Variants in C10orf53 observed in about 807,000 individuals in gnomAD.
C10orf53 encodes the protein chromosome 10 open reading frame 53.
In C10orf53, 8 loss-of-function variants were observed where a neutral mutation model predicts 9.4. That is an observed-to-expected ratio of 0.85 (90% CI 0.50 to 1.53). The LOEUF (loss-of-function observed/expected upper bound fraction) is 1.53, where lower values mean the gene tolerates loss of function less well. Ranked by LOEUF, C10orf53 falls within the 40% of genes most tolerant of loss-of-function variation. C10orf53 has a pLI of 0.00. For missense variants in C10orf53, 117 were observed against 117.8 expected (o/e 0.99, Z 0.03); for synonymous variants, 48 against 46.0 (o/e 1.04, Z -0.18).
At chr10:49,692,125 G>A (rs550860747) in intron 1 of C10orf53, among the ~76,000 whole-genome samples, 34 of 152,286 alleles carry the variant, frequency 2.2e-4, no homozygotes, top group South Asian at 2.1e-3. Context: ...CTTTCCAAAC[G>A]AGCTGGACTG....
intron 1 of C10orf53, among the ~76,000 whole-genome samples, chr10:49,692,470 G>A (rs1308185805): frequency 6.6e-6 from 1 of 152,222 alleles, no homozygotes; most frequent in Non-Finnish European, 1.5e-5. Flanking sequence ...TTTTGAAACA[G>A]CAATTGTCTC....
In C10orf53 at chr10:49,691,914, G is replaced by T. The variant is rs189471016; in HGVS notation, c.98-1860G>T. ...GCAGCACCTTGCCTCACAGGTGGAG[G>T]TTGGGGGGTGCGGGTGTAAGGTGGG... On this transcript the variant is annotated intron_variant, in intron 1 of 2. Transcript: ENST00000374111. Among the ~76,000 whole-genome samples, 276 of 152,368 alleles carry T rather than the reference G, an allele frequency of 1.8e-3. 3 individuals carry two copies. The highest frequency in any genetic ancestry group is 6.0e-3 in the African/African-American group (248 of 41,596).
In C10orf53 at chr10:49,693,792, G is replaced by A. The variant is rs1564506247; in HGVS notation, c.116G>A (p.Gly39Glu). 1 of 1,613,872 alleles carries A rather than the reference G, an allele frequency of 6.2e-7. No homozygotes were observed. Among genetic ancestry groups the A allele is most frequent in the East Asian group, 2.2e-5 (1 of 44,886 alleles). The change falls in exon 2 of 3, where the codon GGA becomes GAA. Residue 39 changes from glycine to glutamate, a missense_variant. By Grantham distance (98) the Gly-to-Glu change is moderately conservative. Coordinates refer to ENST00000374111, the MANE Select transcript of C10orf53 (RefSeq NM_001042427.3). ...QGLQAVLAID[G>E]HEVILEKIED... ...TTCCCAGCTGTGTTGGCCATAGATG[G>A]ACATGAGGTCATCCTAGAGAAGATA... is the stretch of plus-strand genomic sequence containing the variant.
intron 1 of C10orf53, among the ~76,000 whole-genome samples, chr10:49,680,985 C>T (rs1840474253): frequency 6.6e-6 from 1 of 152,234 alleles, no homozygotes; most frequent in South Asian, 2.1e-4. Flanking sequence ...TTGACTTTAG[C>T]ATGGGTTTAT....
chr10:49,682,627 G>A lies in C10orf53; in HGVS notation c.97+2833G>A, dbSNP rs188418787. Among the ~76,000 whole-genome samples the A allele has an allele frequency of 1.7e-3, 263 of 152,112 alleles. 2 individuals carry two copies. Among genetic ancestry groups the A allele is most frequent in the African/African-American group, 5.9e-3 (243 of 41,490 alleles). ...TGGCCAGCTTTTATTCCCTTAGTTG[G>A]TCCCGCCCATGTCCTGCTGATTGGT... On this transcript the variant is annotated intron_variant, in intron 1 of 2. Coordinates refer to ENST00000374111, the MANE Select transcript of C10orf53 (RefSeq NM_001042427.3).
At position 49,694,565 on chromosome 10, in the gene C10orf53, G is replaced by T. The variant is rs764652108; in HGVS notation, c.245G>T (p.Cys82Phe). Residue 82 changes from cysteine to phenylalanine, a missense_variant, in exon 3 of 3, where the codon TGT becomes TTT. By Grantham distance (205) the Cys-to-Phe change is radical. Transcript: ENST00000374111. ...GGCGATGGTAAACTAGACCCACTGT[G>T]TGAAAAGGCCAGGATAGCCGTGCTG... ...FGGDGKLDPL[C>F]EKARIAVLNA... 3 of 1,614,254 alleles carry T rather than the reference G, an allele frequency of 1.9e-6. No individual in the cohort carries two copies.
intron 2 of C10orf53, among the ~76,000 whole-genome samples, chr10:49,705,282 C>G (rs1590649908): frequency 6.6e-6 from 1 of 152,116 alleles, no homozygotes; most frequent in East Asian, 1.9e-4. Context: ...GACAGGGAGG[C>G]CTGGGGTGGC....
Position 49,694,747 on chromosome 10 carries a change from AC to A in C10orf53, c.*146del, listed in dbSNP as rs1351660490. The A allele has an allele frequency of 6.9e-6, 10 of 1,453,174 alleles. No individual in the cohort carries two copies. The highest frequency in any genetic ancestry group is 9.1e-6 in the Non-Finnish European group (10 of 1,104,354). 90.0% of individuals were successfully genotyped at this position (1,453,174 alleles called of 1,614,324 possible). A position where few individuals can be genotyped will look rare whatever the true frequency, so the allele number is the denominator to read the frequency against. On this transcript the variant is annotated 3_prime_UTR_variant, in exon 3 of 3. Transcript: ENST00000374111. ...GCAACTCGGGCCTGACCTCCAGCTT[AC>A]GCAGCCTCAGGATTGTCACCTGGCT...
chr10:49,705,954 G>T (rs1456824046), intron 2 of C10orf53, among the ~76,000 whole-genome samples: 1 of 152,076 alleles, frequency 6.6e-6, no homozygotes, highest in Non-Finnish European at 1.5e-5. Context: ...GCTAAGAATG[G>T]GAAAACCATT....
chr10:49,679,840 G>A, intron 1 of C10orf53, 46 bp downstream of exon 1: 2 of 1,495,368 alleles, frequency 1.3e-6, no homozygotes, highest in East Asian at 2.6e-5. Context: ...CAGCCTCTGA[G>A]CATCCGTGCA....
chr10:49,708,472 A>G (rs768232153), exon 3 of C10orf53: 17 of 1,614,046 alleles, frequency 1.1e-5, no homozygotes, highest in East Asian at 2.2e-5. Context: ...CAGTTCCCAC[A>G]AAAGACCCAG....
exon 3 of C10orf53, chr10:49,710,212 G>T (rs1427834376): frequency 6.6e-6 from 1 of 152,178 alleles, no homozygotes; most frequent in African/African-American, 2.4e-5. Flanking sequence ...CCCAACAGTT[G>T]CTCGAGGGCC....
chr10:49,700,828 T>C (rs1840676750), downstream of C10orf53, among the ~76,000 whole-genome samples: 1 of 152,114 alleles, frequency 6.6e-6, no homozygotes. Context: ...AGCCCAGAAC[T>C]ATGAGGGAAA....
At chr10:49,700,440 C>T (rs144564064), downstream of C10orf53, among the ~76,000 whole-genome samples, 1 of 152,224 alleles carries the variant, frequency 6.6e-6, no homozygotes, top group Non-Finnish European at 1.5e-5. Context: ...GGTTATCCCC[C>T]ACCCAGACCA....
downstream of C10orf53, among the ~76,000 whole-genome samples, chr10:49,700,902 G>T (rs2132889028): frequency 6.6e-6 from 1 of 152,240 alleles, no homozygotes; most frequent in South Asian, 2.1e-4. Context: ...GATGCAGGCT[G>T]GTCCTTTGAC....
At chr10:49,684,689 TG>T (rs1355167088) in intron 1 of C10orf53, among the ~76,000 whole-genome samples, 5 of 152,242 alleles carry the variant, frequency 3.3e-5, no homozygotes, top group African/African-American at 1.2e-4. Context: ...AACTGCTTTT[TG>T]TGTGTTAATT....
rs1423673143 is a variant in C10orf53, at chr10:49,693,804, T to C, written c.128T>C (p.Ile43Thr). The stretch of plus-strand genomic sequence containing the variant: ...TTGGCCATAGATGGACATGAGGTCA[T>C]CCTAGAGAAGATAGAAGACTGGAAT... ...AVLAIDGHEV[I>T]LEKIEDWNVV... Residue 43 changes from isoleucine (I) to threonine (T), a missense_variant, in exon 2 of 3, where the codon ATC becomes ACC. Transcript: ENST00000374111. The C allele has an allele frequency of 9.9e-6, 16 of 1,613,824 alleles. No homozygotes were observed. Among genetic ancestry groups the C allele is most frequent in the East Asian group, 2.2e-5 (1 of 44,896 alleles).
At position 49,688,940 on chromosome 10, in the gene C10orf53, T is replaced by G. The variant is rs145467928; in HGVS notation, c.98-4834T>G. Among the ~76,000 whole-genome samples, 33 of 152,214 alleles carry G rather than the reference T, an allele frequency of 2.2e-4. No homozygotes were observed. The East Asian group carries it at 4.8e-3, about 22-fold the overall frequency. ...TTCTTCTTGCTCGTAATTACCTACC[T>G]CAGCACGCACTCACCTGTATACCTT... is the stretch of plus-strand genomic sequence containing the variant. On this transcript the variant is annotated intron_variant, in intron 1 of 2. Transcript: ENST00000374111.
chr10:49,691,299 C>T (rs775663521), intron 1 of C10orf53, among the ~76,000 whole-genome samples: 38 of 152,292 alleles, frequency 2.5e-4, no homozygotes, highest in East Asian at 1.9e-4. Context: ...AAGGGAATGT[C>T]CTGGGGCTGA....
Sources: gnomAD v4.1 joint callset for allele counts (sites outside exome capture counted in the v4.1 genomes callset) on GRCh38, gnomAD v4.1.1 for gene constraint, MANE v1.5 for transcripts, NCBI Gene and HGNC (gene_info 2026-07-23, HGNC 2026-07-21) for gene names.